The following MAD2L1BP variants were observed in gnomAD, a reference collection of about 807,000 sequenced individuals.
MAD2L1BP encodes MAD2L1 binding protein, also known as MAD2L1-binding protein.
In MAD2L1BP, 22 loss-of-function variants were observed where a neutral mutation model predicts 28.4. The ratio of observed to expected loss-of-function variants is 0.77; its 90% confidence interval spans 0.55 to 1.10. The LOEUF (loss-of-function observed/expected upper bound fraction) is 1.10, where lower values mean the gene tolerates loss of function less well. Among genes scored for constraint, MAD2L1BP ranks in the 50% least tolerant of loss-of-function variants. The pLI is 0.00. For synonymous variants in MAD2L1BP, 146 were observed against 133.7 expected, an observed-to-expected ratio of 1.09 and a Z score of -0.63; for missense variants, 325 against 350.5, an observed-to-expected ratio of 0.93 and a Z score of 0.58.
Position 43,636,645 on chromosome 6 carries a change from A to G in MAD2L1BP, c.311A>G (p.Gln104Arg). 1 of 1,611,254 alleles carries G rather than the reference A, an allele frequency of 6.2e-7. No individual in the cohort carries two copies. The highest frequency in any genetic ancestry group is 8.5e-7 in the Non-Finnish European group (1 of 1,177,556). ...CACTTTTACCGAAAACCTTCTCCCC[A>G]GGTAGGCACAGGCTTTGGGAGCAAG... ...LKHFYRKPSP[Q>R]AEEMLKKKPR... is the part of the protein sequence containing the mutation. The change falls in exon 2 of 3, where the codon CAG (glutamine) becomes CGG (arginine). Residue 104 changes from glutamine to arginine, a missense_variant and splice_region_variant. Gln to Arg is a conservative substitution (Grantham distance 43). Coordinates refer to ENST00000372171, the MANE Select transcript of MAD2L1BP (RefSeq NM_014628.3).
At chr6:43,634,219 T>C (rs1042128810), upstream of MAD2L1BP, among the ~76,000 whole-genome samples, 84 of 140,430 alleles carry the variant, frequency 6.0e-4, no homozygotes, top group Middle Eastern at 6.9e-3. Context: ...TTTCTTTTTT[T>C]CTTTTTTTTT....
upstream of MAD2L1BP, chr6:43,635,767 CCG>C: frequency 8.5e-7 from 1 of 1,180,070 alleles, no homozygotes; most frequent in Non-Finnish European, 1.1e-6. Context: ...TGCGGCGACG[CCG>C]CGCCTTTTTT....
chr6:43,639,996 CT>C, intron 2 of MAD2L1BP, 24 bp from the exon 3 acceptor site: 1 of 1,510,888 alleles, frequency 6.6e-7, no homozygotes, highest in Admixed American at 2.2e-5. Flanking sequence ...TTGTTCTTCT[CT>C]CCCACCATTC....
chr6:43,631,223 C>G (rs1460526743), upstream of MAD2L1BP, among the ~76,000 whole-genome samples: 1 of 152,210 alleles, frequency 6.6e-6, no homozygotes, highest in Non-Finnish European at 1.5e-5. Flanking sequence ...TGTGACTTTT[C>G]TTAGTCCTGT....
At chr6:43,634,005 G>A (rs1445654891), upstream of MAD2L1BP, among the ~76,000 whole-genome samples, 1 of 152,110 alleles carries the variant, frequency 6.6e-6, no homozygotes. Context: ...CCCTCCCTGG[G>A]TGATCTTATT....
chr6:43,636,200 G>A (rs1310000834), intron 1 of MAD2L1BP, among the ~76,000 whole-genome samples, 181 bp from the exon 2 acceptor site: 1 of 152,274 alleles, frequency 6.6e-6, no homozygotes, highest in East Asian at 1.9e-4. Flanking sequence ...AATCTCCTCA[G>A]GCAACAGGGA....
chr6:43,640,216 T>C lies in MAD2L1BP; in HGVS notation c.508T>C (p.Ser170Pro), dbSNP rs772904381. Residue 170 changes from serine (S) to proline (P), a missense_variant, in exon 3 of 3, where the codon TCT (serine) becomes CCT (proline). Physicochemically the swap from Ser to Pro is moderately conservative, Grantham distance 74. Coordinates refer to ENST00000372171, the MANE Select transcript of MAD2L1BP (RefSeq NM_014628.3). ...CAAGGAGTTCTATGAACTCGACTTG[T>C]CTCTGCTGGCCCCCTACAGCGTGGA... ...SPKEFYELDLSLLAPYSVDQS... is the reference protein window; with the variant it reads ...SPKEFYELDLPLLAPYSVDQS... The C allele has an allele frequency of 2.5e-6, 4 of 1,613,974 alleles. No individual in the cohort carries two copies. In the South Asian group the frequency reaches 4.4e-5, roughly 18 times the overall value.
chr6:43,640,564 G>C lies in MAD2L1BP; in HGVS notation c.*31G>C, dbSNP rs964604165. On this transcript the variant is annotated 3_prime_UTR_variant, in exon 3 of 3. Transcript: ENST00000372171. ...TGCTTCTTAATCCTAAAAACACAAT[G>C]GCTGAATTATCTTTCTCCATGTGGC... 6.5e-7 allele frequency: 1 copy of C among 1,528,484 alleles called. No homozygotes were observed. The highest frequency in any genetic ancestry group is 1.4e-5 in the African/African-American group (1 of 72,224). 94.7% of individuals were successfully genotyped at this position (1,528,484 alleles called of 1,614,324 possible). A position where few individuals can be genotyped will look rare whatever the true frequency, so the allele number is the denominator to read the frequency against.
chr6:43,637,794 T>G (rs1272183369), intron 2 of MAD2L1BP, among the ~76,000 whole-genome samples: 1 of 152,008 alleles, frequency 6.6e-6, no homozygotes, highest in East Asian at 1.9e-4. Context: ...AGACGGGGTT[T>G]CACCATGTTG....
upstream of MAD2L1BP, among the ~76,000 whole-genome samples, chr6:43,631,533 A>C (rs1769926932): frequency 6.6e-6 from 1 of 152,066 alleles, no homozygotes; most frequent in African/African-American, 2.4e-5. Flanking sequence ...ACTCAGGCTG[A>C]AGTGCAGTGG....
chr6:43,633,096 C>T, upstream of MAD2L1BP: 1 of 383,266 alleles, frequency 2.6e-6, no homozygotes, highest in East Asian at 7.8e-5. Context: ...AATTCTCCCA[C>T]CTCGGCCTCC....
chr6:43,637,346 C>T (rs750503811), intron 2 of MAD2L1BP, among the ~76,000 whole-genome samples: 12 of 151,960 alleles, frequency 7.9e-5, no homozygotes, highest in Admixed American at 2.6e-4. Flanking sequence ...GGATTACAGG[C>T]GTGAACTACC....
chr6:43,640,206 A>G lies in MAD2L1BP; in HGVS notation c.498A>G (p.Glu166=). The G allele has an allele frequency of 6.2e-7, 1 of 1,613,382 alleles. No individual in the cohort carries two copies. The highest frequency in any genetic ancestry group is 8.5e-7 in the Non-Finnish European group (1 of 1,179,812). ...GNALSPKEFY[E]LDLSLLAPYS... is the part of the protein sequence containing the mutation. Reference sequence around the variant, plus strand: ...CCCTAAGCCCCAAGGAGTTCTATGAACTCGACTTGTCTCTGCTGGCCCCCT... The same window carrying G: ...CCCTAAGCCCCAAGGAGTTCTATGAGCTCGACTTGTCTCTGCTGGCCCCCT... Residue 166 remains glutamate, a synonymous_variant, in exon 3 of 3, where the codon GAA becomes GAG. Coordinates refer to ENST00000372171, the MANE Select transcript of MAD2L1BP (RefSeq NM_014628.3).
chr6:43,636,811 C>T, intron 2 of MAD2L1BP, 165 bp downstream of exon 2: 1 of 758,290 alleles, frequency 1.3e-6, no homozygotes, highest in South Asian at 1.9e-5. Context: ...CCTAACCCTT[C>T]TGGCTTTTTC....
chr6:43,631,652 T>G (rs1769932628), upstream of MAD2L1BP, among the ~76,000 whole-genome samples: 1 of 151,954 alleles, frequency 6.6e-6, no homozygotes, highest in Non-Finnish European at 1.5e-5. Flanking sequence ...GCCCAGCTAA[T>G]TTTTGTTTTT....
At chr6:43,634,893 G>A (rs1481456721), upstream of MAD2L1BP, among the ~76,000 whole-genome samples, 1 of 151,946 alleles carries the variant, frequency 6.6e-6, no homozygotes, top group Non-Finnish European at 1.5e-5. Flanking sequence ...CCTCCTCCTT[G>A]TAAATCAATC....
rs754061982 is a variant in MAD2L1BP at position 43,640,355 on chromosome 6, A to G, written c.647A>G (p.Gln216Arg). 4 of 1,613,934 alleles carry G rather than the reference A, an allele frequency of 2.5e-6. No individual in the cohort carries two copies. In the African/African-American group the frequency reaches 4.0e-5, roughly 16 times the overall value. The change falls in exon 3 of 3, where the codon CAG becomes CGG. Residue 216 changes from glutamine to arginine, a missense_variant. By Grantham distance (43) the Gln-to-Arg change is conservative. Transcript: ENST00000372171. Reference sequence around the variant, plus strand: ...CTCATGGGCACCGTCGTCATGGCACAGGGACACCGCAACTGTGGAGAAGAT... The same window carrying G: ...CTCATGGGCACCGTCGTCATGGCACGGGGACACCGCAACTGTGGAGAAGAT... ...PPLMGTVVMA[Q>R]GHRNCGEDWF...
chr6:43,636,264 G>T lies in MAD2L1BP; in HGVS notation c.47-117G>T, dbSNP rs1770213058. ...ACTGTAGGCTGCGGAGGATATGGGC[G>T]TATGTCGGAGTGCCTGCTTTTTCAG... On this transcript the variant is annotated intron_variant, in intron 1 of 2. Coordinates refer to ENST00000372171, the MANE Select transcript of MAD2L1BP (RefSeq NM_014628.3). The T allele has an allele frequency of 1.2e-5, 11 of 947,740 alleles. No homozygotes were observed. In the South Asian group the frequency reaches 1.3e-4, roughly 11 times the overall value. The allele number at this position is 947,740 out of a possible 1,614,324, so 58.7% of individuals were successfully genotyped here. A position where few individuals can be genotyped will look rare whatever the true frequency, so the allele number is the denominator to read the frequency against.
chr6:43,634,791 C>G (rs535466832), upstream of MAD2L1BP, among the ~76,000 whole-genome samples: 1 of 152,282 alleles, frequency 6.6e-6, no homozygotes, highest in East Asian at 1.9e-4. Context: ...AAACTCCTGA[C>G]CTCGTGATCC....
Sources: gnomAD v4.1 joint callset for allele counts (sites outside exome capture counted in the v4.1 genomes callset) on GRCh38, gnomAD v4.1.1 for gene constraint, MANE v1.5 for transcripts, NCBI Gene and HGNC (gene_info 2026-07-23, HGNC 2026-07-21) for gene names.